NTM: variants seen among roughly 807,000 people sequenced by gnomAD.
The protein encoded by NTM is IgLON family member 2.
A neutral mutation model predicts 42.1 loss-of-function variants in NTM; 13 were observed. The observed-to-expected ratio is 0.31, with a 90% CI of 0.20 to 0.49. The LOEUF (loss-of-function observed/expected upper bound fraction) is 0.49, where lower values mean the gene tolerates loss of function less well. NTM is among the 20% of genes least tolerant of loss of function. The probability of loss-of-function intolerance (pLI) is 0.99; values close to 1 mark genes in which losing one functional copy is unlikely to be tolerated. For missense variants in NTM, 373 were observed against 452.8 expected (o/e 0.82, Z 1.60); for synonymous variants, 187 against 179.2 (o/e 1.04, Z -0.35).
intron 1 of NTM, among the ~76,000 whole-genome samples, chr11:131,441,048 G>A (rs1949585959): frequency 6.6e-6 from 1 of 152,076 alleles, no homozygotes; most frequent in Non-Finnish European, 1.5e-5. Flanking sequence ...TGTCTATATA[G>A]ATTGTTTAAA....
intron 3 of NTM, among the ~76,000 whole-genome samples, chr11:132,201,357 C>T (rs1217126277): frequency 6.6e-6 from 1 of 152,202 alleles, no homozygotes; most frequent in Non-Finnish European, 1.5e-5. Context: ...GCACAGCTTA[C>T]AGTATCTGGT....
chr11:132,193,801 A>T (rs1179365421), intron 3 of NTM, among the ~76,000 whole-genome samples: 2 of 152,126 alleles, frequency 1.3e-5, no homozygotes, highest in Admixed American at 6.6e-5. Context: ...CCAACCCCAT[A>T]GAAATACAAA....
chr11:131,482,293 C>T (rs533204084), intron 1 of NTM, among the ~76,000 whole-genome samples: 8 of 152,218 alleles, frequency 5.3e-5, no homozygotes, highest in African/African-American at 1.9e-4. Flanking sequence ...TGATTCCCCC[C>T]ACCCATCACA....
At chr11:131,749,269 C>T (rs1015319552) in intron 1 of NTM, among the ~76,000 whole-genome samples, 3 of 152,072 alleles carry the variant, frequency 2.0e-5, no homozygotes, top group South Asian at 4.2e-4. Flanking sequence ...GAGCTTGGAC[C>T]GATGAAGATG....
At chr11:131,782,798 C>T (rs899255801) in intron 1 of NTM, among the ~76,000 whole-genome samples, 4 of 152,108 alleles carry the variant, frequency 2.6e-5, no homozygotes, top group Non-Finnish European at 5.9e-5. Flanking sequence ...GTGATACAAA[C>T]TCTCAGCAAA....
At chr11:132,111,634 G>A (rs1228828882) in intron 2 of NTM, among the ~76,000 whole-genome samples, 1 of 152,182 alleles carries the variant, frequency 6.6e-6, no homozygotes, top group Non-Finnish European at 1.5e-5. Flanking sequence ...ATTGTTTTAG[G>A]AAGATCAGTG....
At chr11:132,291,342 C>A (rs1484353830) in intron 4 of NTM, among the ~76,000 whole-genome samples, 1 of 151,856 alleles carries the variant, frequency 6.6e-6, no homozygotes, top group Non-Finnish European at 1.5e-5. Context: ...ATGACTTCTA[C>A]ATTTTTTTTT....
At chr11:131,382,379 AT>A (rs1438762264) in intron 1 of NTM, among the ~76,000 whole-genome samples, 8 of 152,352 alleles carry the variant, frequency 5.3e-5, no homozygotes, top group Non-Finnish European at 1.0e-4. Context: ...AAATAAAAAA[AT>A]AATTGAGTAT....
chr11:131,942,437 C>T (rs1388678084), intron 2 of NTM, among the ~76,000 whole-genome samples: 1 of 152,040 alleles, frequency 6.6e-6, no homozygotes, highest in Non-Finnish European at 1.5e-5. Flanking sequence ...TGGGGCCAGT[C>T]CTGGAAGCAG....
At chr11:132,222,095 G>T (rs766149153) in intron 4 of NTM, among the ~76,000 whole-genome samples, 3 of 152,144 alleles carry the variant, frequency 2.0e-5, no homozygotes, top group Non-Finnish European at 2.9e-5. Context: ...CTGTGTGCCA[G>T]GTCTCTGCAT....
chr11:132,056,523 G>A (rs1467701715), intron 2 of NTM, among the ~76,000 whole-genome samples: 1 of 152,142 alleles, frequency 6.6e-6, no homozygotes, highest in Non-Finnish European at 1.5e-5. Flanking sequence ...GCATATAGGA[G>A]GTAATCTTTG....
At chr11:132,238,254 C>T (rs1037318404) in intron 4 of NTM, among the ~76,000 whole-genome samples, 4 of 152,004 alleles carry the variant, frequency 2.6e-5, no homozygotes, top group Admixed American at 6.6e-5. Context: ...GAGCGAGCCC[C>T]GCCCAGAGAT....
At chr11:131,725,227 G>A (rs1303953502) in intron 1 of NTM, among the ~76,000 whole-genome samples, 1 of 152,102 alleles carries the variant, frequency 6.6e-6, no homozygotes, top group Non-Finnish European at 1.5e-5. Flanking sequence ...ATATTTATTG[G>A]ATACTCATCA....
chr11:131,563,541 G>A (rs1395438124), intron 1 of NTM, among the ~76,000 whole-genome samples: 1 of 143,404 alleles, frequency 7.0e-6, no homozygotes, highest in Non-Finnish European at 1.5e-5. Flanking sequence ...GACCTTAGCT[G>A]AACTTGCTTT....
chr11:131,438,323 G>C (rs1392367691), intron 1 of NTM, among the ~76,000 whole-genome samples: 1 of 151,998 alleles, frequency 6.6e-6, no homozygotes, highest in East Asian at 1.9e-4. Context: ...TTTGAATGTT[G>C]GCCTGCCTTG....
At chr11:131,623,000 T>C (rs763760618) in intron 1 of NTM, among the ~76,000 whole-genome samples, 1 of 152,184 alleles carries the variant, frequency 6.6e-6, no homozygotes, top group Non-Finnish European at 1.5e-5. Flanking sequence ...GGAAGGGAAA[T>C]AGCTCTGAAG....
chr11:131,784,537 G>A (rs115319208), intron 1 of NTM, among the ~76,000 whole-genome samples: 2,076 of 152,250 alleles, frequency 0.014, 41 homozygotes, highest in African/African-American at 0.045. Flanking sequence ...TAAAGCTCTA[G>A]AATAGGTGAA....
At chr11:132,141,662 A>C (rs2137256307) in intron 2 of NTM, among the ~76,000 whole-genome samples, 1 of 152,330 alleles carries the variant, frequency 6.6e-6, no homozygotes, top group Middle Eastern at 3.4e-3. Flanking sequence ...CCCTGCTCAA[A>C]CAGTATAGGC....
intron 2 of NTM, among the ~76,000 whole-genome samples, chr11:131,931,177 G>T (rs1052266930): frequency 1.3e-5 from 2 of 152,146 alleles, no homozygotes; most frequent in Non-Finnish European, 1.5e-5. Context: ...GCCAGGTGTG[G>T]TGGCTTACAT....
Sources: allele counts gnomAD v4.1 joint callset (sites outside exome capture counted in the v4.1 genomes callset), GRCh38; gene constraint gnomAD v4.1.1; transcripts MANE v1.5; gene names NCBI Gene and HGNC (gene_info 2026-07-23, HGNC 2026-07-21).